The following AFAP1L2 variants were observed in gnomAD, a reference collection of about 807,000 sequenced individuals.
AFAP1L2 encodes the protein actin filament associated protein 1 like 2.
Under a neutral mutation model 99.3 loss-of-function variants are expected in AFAP1L2, and 46 were observed. That is an observed-to-expected ratio of 0.46 (90% CI 0.37 to 0.59). AFAP1L2 has a LOEUF of 0.59. AFAP1L2 is among the 20% of genes least tolerant of loss of function. AFAP1L2 has a pLI of 0.00. For synonymous variants in AFAP1L2, 397 were observed against 419.1 expected (o/e 0.95, Z 0.64); for missense variants, 959 against 1,034.9 (o/e 0.93, Z 1.01).
rs564573022 is a variant in AFAP1L2, at chr10:114,404,366, G to T, written c.16+74C>A. The T allele has an allele frequency of 6.8e-6, 10 of 1,465,118 alleles. No homozygotes were observed. The South Asian group carries it at 1.1e-4, about 16-fold the overall frequency. The allele number at this position is 1,465,118 out of a possible 1,614,324, so 90.8% of individuals were successfully genotyped here. A position where few individuals can be genotyped will look rare whatever the true frequency, so the allele number is the denominator to read the frequency against. Reference sequence around the variant, plus strand: ...CTTATCCCGAGTCCTGGCAAGACGAGTCCTAGCCCTGCCCTCCGCGTCGCT... The same window carrying T: ...CTTATCCCGAGTCCTGGCAAGACGATTCCTAGCCCTGCCCTCCGCGTCGCT... On this transcript the variant is annotated intron_variant, in intron 1 of 18. Coordinates refer to ENST00000304129, the MANE Select transcript of AFAP1L2 (RefSeq NM_001001936.3).
At chr10:114,396,426 C>T (rs532600191) in intron 1 of AFAP1L2, among the ~76,000 whole-genome samples, 4 of 152,358 alleles carry the variant, frequency 2.6e-5, no homozygotes, top group Admixed American at 6.5e-5. Context: ...GGTGCAGTGA[C>T]GACTGGTAAT....
At chr10:114,328,474 G>T (rs574564103) in intron 4 of AFAP1L2, among the ~76,000 whole-genome samples, 17 of 152,276 alleles carry the variant, frequency 1.1e-4, no homozygotes, top group African/African-American at 4.1e-4. Flanking sequence ...CGGGTTTTCT[G>T]TCTGAGGAAG....
chr10:114,376,955 G>C (rs746113704), intron 1 of AFAP1L2, among the ~76,000 whole-genome samples: 11 of 152,162 alleles, frequency 7.2e-5, no homozygotes, highest in Non-Finnish European at 1.3e-4. Context: ...AGATGGAGTA[G>C]AGACCCCAGG....
chr10:114,366,863 G>A (rs542135928), intron 1 of AFAP1L2, among the ~76,000 whole-genome samples: 7 of 152,168 alleles, frequency 4.6e-5, no homozygotes, highest in Admixed American at 1.3e-4. Context: ...AGCTACTCAG[G>A]GGGCTGAGGC....
intron 1 of AFAP1L2, among the ~76,000 whole-genome samples, chr10:114,390,248 C>T (rs1442584336): frequency 6.6e-6 from 1 of 152,186 alleles, no homozygotes; most frequent in Non-Finnish European, 1.5e-5. Flanking sequence ...GCATAATTCT[C>T]TAAGACATGT....
rs202216128 is a variant in AFAP1L2, at chr10:114,302,917, A to AACAAG, written c.1285-438_1285-434dup. Among the ~76,000 whole-genome samples the AACAAG allele has an allele frequency of 7.1e-4, 108 of 152,344 alleles. 1 individual carries two copies. In the East Asian group the frequency reaches 0.02, roughly 29 times the overall value. On this transcript the variant is annotated intron_variant, in intron 11 of 18. Coordinates refer to ENST00000304129, the MANE Select transcript of AFAP1L2 (RefSeq NM_001001936.3). ...ATGTCATTCCCCCAATCCCATATAC[A>AACAAG]ACAAGACTTCCTGGATCCCCAAGAA... is the stretch of plus-strand genomic sequence containing the variant.
At chr10:114,324,206 C>T (rs187574880) in intron 4 of AFAP1L2, among the ~76,000 whole-genome samples, 1 of 152,274 alleles carries the variant, frequency 6.6e-6, no homozygotes, top group East Asian at 1.9e-4. Context: ...ACAGACAGGT[C>T]GTGAATGTGT....
At chr10:114,302,137 G>C (rs978700109) in intron 12 of AFAP1L2, 2 of 739,708 alleles carry the variant, frequency 2.7e-6, no homozygotes, top group East Asian at 5.5e-5. Context: ...CCGAAGCCTG[G>C]CTCGGCTCCT....
chr10:114,302,676 C>T (rs1161991338), intron 11 of AFAP1L2, among the ~76,000 whole-genome samples, 192 bp from the exon 12 acceptor site: 1 of 152,158 alleles, frequency 6.6e-6, no homozygotes, highest in East Asian at 1.9e-4. Context: ...TATTTCCTGT[C>T]GTCAGTGACA....
Position 114,294,906 on chromosome 10 carries a change from G to GAAAT in AFAP1L2, c.*1132_*1135dup, listed in dbSNP as rs1436159431. 43 of 980,636 alleles carry GAAAT rather than the reference G, an allele frequency of 4.4e-5. No individual in the cohort carries two copies. The highest frequency in any genetic ancestry group is 4.8e-5 in the Non-Finnish European group (40 of 827,220). 60.7% of individuals were successfully genotyped at this position (980,636 alleles called of 1,614,324 possible). A position where few individuals can be genotyped will look rare whatever the true frequency, so the allele number is the denominator to read the frequency against. On this transcript the variant is annotated 3_prime_UTR_variant, in exon 19 of 19. Coordinates refer to ENST00000304129, the MANE Select transcript of AFAP1L2 (RefSeq NM_001001936.3). Reference sequence around the variant, plus strand: ...AGGTCACCAAATGTTTATGAGAGAGGAAATAAGAATAAAAAAGACATTTAG... The same window carrying GAAAT: ...AGGTCACCAAATGTTTATGAGAGAGGAAATAAATAAGAATAAAAAAGACATTTAG...
chr10:114,360,509 T>TAGC (rs61366681), intron 1 of AFAP1L2, among the ~76,000 whole-genome samples: 2 of 107,420 alleles, frequency 1.9e-5, no homozygotes, highest in Middle Eastern at 4.3e-3. Flanking sequence ...AGATAGATAG[T>TAGC]TAGATAGATA....
chr10:114,328,622 C>T (rs988322798), intron 4 of AFAP1L2, among the ~76,000 whole-genome samples: 10 of 152,210 alleles, frequency 6.6e-5, no homozygotes, highest in African/African-American at 2.2e-4. Context: ...TTGTTGGCCA[C>T]GGTTGATGGT....
the AFAP1L2 span, chr10:114,282,678 C>A: frequency 5.1e-6 from 5 of 973,862 alleles, no homozygotes; most frequent in Non-Finnish European, 8.2e-6. Context: ...TTGTGACTGG[C>A]TCCAGGGCAG....
intron 11 of AFAP1L2, 87 bp downstream of exon 11, chr10:114,304,632 G>C: frequency 8.0e-7 from 1 of 1,243,392 alleles, no homozygotes; most frequent in Non-Finnish European, 1.1e-6. Flanking sequence ...TTCTCCCTTA[G>C]TAGCATTACA....
In AFAP1L2 at chr10:114,295,305, G is replaced by T. The variant is rs189658363; in HGVS notation, c.*737C>A. On this transcript the variant is annotated 3_prime_UTR_variant, in exon 19 of 19. Coordinates refer to ENST00000304129, the MANE Select transcript of AFAP1L2 (RefSeq NM_001001936.3). ...ATACTTTTCACTGTTCTAAATGACAGGATTTTAAGCATTTTTTCCTATATA... is the reference window on the plus strand; with the variant it reads ...ATACTTTTCACTGTTCTAAATGACATGATTTTAAGCATTTTTTCCTATATA... 1 of 984,882 alleles carries T rather than the reference G, an allele frequency of 1.0e-6. No homozygotes were observed. Among genetic ancestry groups the T allele is most frequent in the South Asian group, 4.7e-5 (1 of 21,276 alleles). The allele number at this position is 984,882 out of a possible 1,614,324, so 61.0% of individuals were successfully genotyped here. A position where few individuals can be genotyped will look rare whatever the true frequency, so the allele number is the denominator to read the frequency against.
chr10:114,392,662 T>C (rs1046082786), intron 1 of AFAP1L2, among the ~76,000 whole-genome samples: 6 of 152,198 alleles, frequency 3.9e-5, no homozygotes, highest in African/African-American at 1.4e-4. Context: ...ATCTAAACCA[T>C]TTTCACACTC....
chr10:114,290,249 AGC>A (rs2039439302), downstream of AFAP1L2: 1 of 1,550,424 alleles, frequency 6.4e-7, no homozygotes, highest in African/African-American at 1.4e-5. Flanking sequence ...GAAGCCAAGC[AGC>A]CAGTCAACCT....
At chr10:114,292,586 A>ATACT (rs1352192745), downstream of AFAP1L2, among the ~76,000 whole-genome samples, 1 of 150,708 alleles carries the variant, frequency 6.6e-6, no homozygotes, top group East Asian at 1.9e-4. Flanking sequence ...GGCAAACTAG[A>ATACT]TACTTACTTC....
intron 13 of AFAP1L2, 27 bp downstream of exon 13, chr10:114,301,327 C>T (rs1432927421): frequency 6.3e-7 from 1 of 1,584,006 alleles, no homozygotes. Flanking sequence ...TGGAGAGGCC[C>T]AGGCCACTGC....
Sources: allele counts gnomAD v4.1 joint callset (sites outside exome capture counted in the v4.1 genomes callset), GRCh38; gene constraint gnomAD v4.1.1; transcripts MANE v1.5; gene names NCBI Gene and HGNC (gene_info 2026-07-23, HGNC 2026-07-21).